The following SLIT3 variants were observed in gnomAD, a reference collection of about 807,000 sequenced individuals.
SLIT3 encodes slit homolog 3 protein.
In SLIT3, 68 loss-of-function variants were observed where a neutral mutation model predicts 184.0. That is an observed-to-expected ratio of 0.37 (90% CI 0.30 to 0.45). The LOEUF (loss-of-function observed/expected upper bound fraction) is 0.45, where lower values mean the gene tolerates loss of function less well. SLIT3 is among the 20% of genes least tolerant of loss of function. The probability of loss-of-function intolerance (pLI) is 1.00; values close to 1 mark genes in which losing one functional copy is unlikely to be tolerated. For missense variants in SLIT3, 1,707 were observed against 2,026.0 expected (o/e 0.84, Z 3.02); for synonymous variants, 831 against 828.6 (o/e 1.00, Z -0.05).
intron 8 of SLIT3, among the ~76,000 whole-genome samples, chr5:168,807,328 G>C (rs1757003248): frequency 1.3e-5 from 2 of 152,176 alleles, no homozygotes; most frequent in Non-Finnish European, 2.9e-5. Context: ...CCCAACTCAA[G>C]ATTCAAAGAG....
At chr5:169,148,426 A>T (rs1359031677) in intron 4 of SLIT3, among the ~76,000 whole-genome samples, 7 of 152,250 alleles carry the variant, frequency 4.6e-5, no homozygotes. Context: ...TGAAAGCTCC[A>T]GGGCAGGAAC....
intron 1 of SLIT3, among the ~76,000 whole-genome samples, chr5:169,276,837 T>A (rs1344949757): frequency 6.6e-6 from 1 of 152,254 alleles, no homozygotes; most frequent in Admixed American, 6.5e-5. Flanking sequence ...AAAGAATTTC[T>A]ATAATTTTCC....
At chr5:168,839,939 C>T (rs531920192) in intron 6 of SLIT3, among the ~76,000 whole-genome samples, 1 of 152,172 alleles carries the variant, frequency 6.6e-6, no homozygotes, top group African/African-American at 2.4e-5. Context: ...GTGAACCAGG[C>T]GAGGTGCTCA....
intron 3 of SLIT3, among the ~76,000 whole-genome samples, chr5:169,244,352 C>A (rs1765508623): frequency 6.6e-6 from 1 of 152,236 alleles, no homozygotes; most frequent in Non-Finnish European, 1.5e-5. Flanking sequence ...GATGCCAGAT[C>A]TCATGGCAGG....
At chr5:168,816,116 G>C (rs1757327776) in intron 8 of SLIT3, among the ~76,000 whole-genome samples, 1 of 152,212 alleles carries the variant, frequency 6.6e-6, no homozygotes, top group Admixed American at 6.5e-5. Flanking sequence ...GAAAAAGGAA[G>C]AGTTGGTGAG....
intron 4 of SLIT3, among the ~76,000 whole-genome samples, chr5:169,015,973 CACACACACACACAA>C (rs879766169): frequency 0.015 from 1,906 of 125,708 alleles, 21 homozygotes; most frequent in Middle Eastern, 0.036. Flanking sequence ...CACACACACA[CACACACACACACAA>C]CTTTCTGTCT....
chr5:169,144,966 T>G (rs372753235), intron 4 of SLIT3, among the ~76,000 whole-genome samples: 2 of 152,330 alleles, frequency 1.3e-5, no homozygotes, highest in African/African-American at 2.4e-5. Context: ...TGATTATGTT[T>G]AACCATGGGC....
At chr5:168,868,094 A>G (rs1759373047) in intron 5 of SLIT3, among the ~76,000 whole-genome samples, 1 of 152,214 alleles carries the variant, frequency 6.6e-6, no homozygotes, top group Non-Finnish European at 1.5e-5. Flanking sequence ...AAATCCCAAG[A>G]CTACCAAACC....
chr5:168,828,056 C>G (rs569292379), intron 6 of SLIT3, among the ~76,000 whole-genome samples: 1 of 152,244 alleles, frequency 6.6e-6, no homozygotes, highest in South Asian at 2.1e-4. Context: ...ATATGCTAGG[C>G]AAGGCACATA....
chr5:168,762,090 CT>C (rs11445648), intron 15 of SLIT3, among the ~76,000 whole-genome samples: 34 of 148,300 alleles, frequency 2.3e-4, no homozygotes, highest in South Asian at 1.1e-3. Context: ...TTTTTTAGCT[CT>C]TTTTTTTTTG....
At chr5:168,712,587 C>A (rs892795522) in intron 23 of SLIT3, 3 of 518,010 alleles carry the variant, frequency 5.8e-6, no homozygotes, top group Non-Finnish European at 1.0e-5. Context: ...ACTTTTCAAT[C>A]TGATAGACCT....
In SLIT3 at chr5:168,709,349, G is replaced by A. The variant is rs1314888; in HGVS notation, c.2720-1249C>T. On this transcript the variant is annotated intron_variant, in intron 25 of 35. Transcript: ENST00000519560. Reference sequence around the variant, plus strand: ...GACCTCAAGTGATCTGCCCGCCTCAGCCTCCCAAAGTACTGGGATTAGAGG... The same window carrying A: ...GACCTCAAGTGATCTGCCCGCCTCAACCTCCCAAAGTACTGGGATTAGAGG... Among the ~76,000 whole-genome samples, 187 of 152,264 alleles carry A rather than the reference G, an allele frequency of 1.2e-3. 1 individual carries two copies. Among genetic ancestry groups the A allele is most frequent in the African/African-American group, 4.4e-3 (181 of 41,546 alleles).
chr5:168,708,472 T>C, intron 25 of SLIT3: 1 of 289,120 alleles, frequency 3.5e-6, no homozygotes, highest in Non-Finnish European at 6.7e-6. Context: ...GGACCTCCCA[T>C]TTTTCTACCC....
At chr5:169,231,708 A>T (rs1254069537) in intron 3 of SLIT3, among the ~76,000 whole-genome samples, 3 of 152,218 alleles carry the variant, frequency 2.0e-5, no homozygotes, top group African/African-American at 7.2e-5. Context: ...TATGTACCCA[A>T]GAGTGGAAGG....
At chr5:168,847,471 G>C (rs764639989) in intron 5 of SLIT3, among the ~76,000 whole-genome samples, 1 of 152,128 alleles carries the variant, frequency 6.6e-6, no homozygotes, top group Non-Finnish European at 1.5e-5. Context: ...AAACCACAGC[G>C]GTTACTCCAC....
intron 4 of SLIT3, among the ~76,000 whole-genome samples, chr5:168,920,394 C>T (rs947252533): frequency 1.3e-5 from 2 of 152,138 alleles, no homozygotes; most frequent in African/African-American, 2.4e-5. Flanking sequence ...ATGCCTCACA[C>T]GTTAGGAATC....
At chr5:168,677,359 C>T (rs1425655008) in intron 32 of SLIT3, among the ~76,000 whole-genome samples, 1 of 152,202 alleles carries the variant, frequency 6.6e-6, no homozygotes, top group African/African-American at 2.4e-5. Flanking sequence ...TCACTGCAGC[C>T]TTGAACTCCT....
At chr5:168,786,994 CCTT>C (rs1287430858) in intron 11 of SLIT3, among the ~76,000 whole-genome samples, 1 of 152,154 alleles carries the variant, frequency 6.6e-6, no homozygotes, top group African/African-American at 2.4e-5. Flanking sequence ...AGGCTGTAAT[CCTT>C]CTTTGAGGAG....
At chr5:169,212,519 C>A (rs139278570) in intron 3 of SLIT3, among the ~76,000 whole-genome samples, 8,598 of 151,832 alleles carry the variant, frequency 0.057, 402 homozygotes, top group East Asian at 0.19. Context: ...GGATATTAGC[C>A]CTTTGTCAGA....
Sources: gnomAD v4.1 joint callset for allele counts (sites outside exome capture counted in the v4.1 genomes callset) on GRCh38, gnomAD v4.1.1 for gene constraint, MANE v1.5 for transcripts, NCBI Gene and HGNC (gene_info 2026-07-23, HGNC 2026-07-21) for gene names.